NOL4: variants seen among roughly 807,000 people sequenced by gnomAD.
NOL4 encodes cancer/testis antigen 125.
In NOL4, 17 loss-of-function variants were observed where a neutral mutation model predicts 75.9. The ratio of observed to expected loss-of-function variants is 0.22; its 90% CI spans 0.15 to 0.34. The LOEUF (loss-of-function observed/expected upper bound fraction) is 0.34, where lower values mean the gene tolerates loss of function less well. NOL4 is among the 10% of genes least tolerant of loss of function. The pLI is 1.00. For missense variants in NOL4, 614 were observed against 793.5 expected (o/e 0.77, Z 2.72); for synonymous variants, 292 against 289.9 (o/e 1.01, Z -0.07).
chr18:34,146,844 A>T (rs150908477), intron 1 of NOL4, among the ~76,000 whole-genome samples: 66 of 152,068 alleles, frequency 4.3e-4, no homozygotes, highest in East Asian at 2.7e-3. Flanking sequence ...ATTCTTCCTA[A>T]CCATGAACAT....
At chr18:34,193,892 T>C (rs1357719956) in intron 1 of NOL4, among the ~76,000 whole-genome samples, 1 of 152,116 alleles carries the variant, frequency 6.6e-6, no homozygotes, top group Non-Finnish European at 1.5e-5. Context: ...AGCAAATACA[T>C]GCAGCATTAA....
At chr18:33,995,376 C>G (rs190363675) in intron 6 of NOL4, among the ~76,000 whole-genome samples, 1 of 151,506 alleles carries the variant, frequency 6.6e-6, no homozygotes, top group African/African-American at 2.4e-5. Context: ...ATTAGCAAAC[C>G]AAGTCCAGAA....
chr18:34,084,840 A>T (rs2145439479), intron 5 of NOL4, among the ~76,000 whole-genome samples: 1 of 152,332 alleles, frequency 6.6e-6, no homozygotes, highest in African/African-American at 2.4e-5. Context: ...ATCTGTCTGC[A>T]CAGCTGGCAT....
chr18:33,952,324 A>G (rs1403456099), intron 8 of NOL4, among the ~76,000 whole-genome samples: 1 of 152,200 alleles, frequency 6.6e-6, no homozygotes, highest in African/African-American at 2.4e-5. Context: ...AAAGGTACCC[A>G]TAATTCCTGT....
intron 9 of NOL4, among the ~76,000 whole-genome samples, chr18:33,899,894 C>T (rs1319361431): frequency 6.6e-6 from 1 of 152,054 alleles, no homozygotes; most frequent in Non-Finnish European, 1.5e-5. Flanking sequence ...CAAATGCATG[C>T]TAGGTTTTCT....
At chr18:33,894,675 A>T (rs1194780643) in intron 9 of NOL4, among the ~76,000 whole-genome samples, 1 of 152,094 alleles carries the variant, frequency 6.6e-6, no homozygotes, top group Admixed American at 6.6e-5. Flanking sequence ...ATTTTAACAA[A>T]TTCTCTTTGT....
intron 6 of NOL4, among the ~76,000 whole-genome samples, chr18:34,000,167 A>G (rs747510712): frequency 6.6e-6 from 1 of 152,164 alleles, no homozygotes; most frequent in Non-Finnish European, 1.5e-5. Flanking sequence ...AGACTTGTCC[A>G]ATCATTCGGC....
At chr18:34,107,065 G>C (rs1251020195) in intron 2 of NOL4, among the ~76,000 whole-genome samples, 1 of 152,080 alleles carries the variant, frequency 6.6e-6, no homozygotes, top group Non-Finnish European at 1.5e-5. Context: ...GAGTTGGAGA[G>C]ACACTCCATT....
intron 9 of NOL4, among the ~76,000 whole-genome samples, chr18:33,893,542 T>C (rs2065222313): frequency 6.6e-6 from 1 of 152,200 alleles, no homozygotes; most frequent in Admixed American, 6.6e-5. Flanking sequence ...TAGGTTTTAA[T>C]AAAAATTGCA....
chr18:34,123,598 T>G (rs1413801601), intron 2 of NOL4, among the ~76,000 whole-genome samples: 2 of 145,946 alleles, frequency 1.4e-5, no homozygotes, highest in African/African-American at 5.0e-5. Flanking sequence ...TATAGAGAGA[T>G]AGATCTACAT....
intron 1 of NOL4, among the ~76,000 whole-genome samples, chr18:34,216,392 A>C (rs2036889300): frequency 6.6e-6 from 1 of 152,098 alleles, no homozygotes; most frequent in South Asian, 2.1e-4. Flanking sequence ...AAATACTCTC[A>C]ATTGTATATA....
At chr18:34,104,209 C>A (rs1387702123) in intron 3 of NOL4, 50 bp from the exon 4 acceptor site, 2 of 1,052,328 alleles carry the variant, frequency 1.9e-6, no homozygotes, top group Non-Finnish European at 3.0e-6. Flanking sequence ...TGCATTCTAC[C>A]TGTAATTTTA....
intron 5 of NOL4, among the ~76,000 whole-genome samples, chr18:34,070,328 T>A (rs1397180281): frequency 6.6e-6 from 1 of 152,210 alleles, no homozygotes; most frequent in African/African-American, 2.4e-5. Context: ...CCGCCTTGCC[T>A]TTTTTACACT....
At chr18:34,017,643 C>T (rs950586142) in intron 6 of NOL4, among the ~76,000 whole-genome samples, 3 of 152,128 alleles carry the variant, frequency 2.0e-5, no homozygotes, top group Non-Finnish European at 2.9e-5. Flanking sequence ...TCCCAATGTG[C>T]TATCAAAACT....
At chr18:34,149,708 C>T (rs1490516581) in intron 1 of NOL4, among the ~76,000 whole-genome samples, 2 of 151,560 alleles carry the variant, frequency 1.3e-5, no homozygotes, top group East Asian at 1.9e-4. Context: ...TAGGTTGATT[C>T]CAGTGTGGCA....
At chr18:34,106,866 C>T (rs879549119) in intron 2 of NOL4, among the ~76,000 whole-genome samples, 8 of 151,860 alleles carry the variant, frequency 5.3e-5, no homozygotes, top group Non-Finnish European at 7.4e-5. Flanking sequence ...ATAATGCATG[C>T]TTCATCCTTA....
chr18:34,046,366 C>T (rs1433741853), intron 5 of NOL4, among the ~76,000 whole-genome samples: 1 of 151,642 alleles, frequency 6.6e-6, no homozygotes, highest in Non-Finnish European at 1.5e-5. Flanking sequence ...GGGGCCAAAC[C>T]AAAACTTGCC....
intron 2 of NOL4, among the ~76,000 whole-genome samples, chr18:34,123,649 C>A (rs2080256150): frequency 2.1e-5 from 3 of 141,500 alleles, no homozygotes; most frequent in Non-Finnish European, 1.5e-5. Flanking sequence ...AGAGATATAC[C>A]TACATATGTA....
chr18:33,999,289 A>AG (rs1217391288), intron 6 of NOL4, among the ~76,000 whole-genome samples: 1 of 151,842 alleles, frequency 6.6e-6, no homozygotes, highest in East Asian at 1.9e-4. Context: ...CTGGGACTGT[A>AG]GGTGTGTTCC....
Sources: allele counts gnomAD v4.1 joint callset (sites outside exome capture counted in the v4.1 genomes callset), GRCh38; gene constraint gnomAD v4.1.1; transcripts MANE v1.5; gene names NCBI Gene and HGNC (gene_info 2026-07-23, HGNC 2026-07-21).